The following NRF1 variants were observed in gnomAD, a reference collection of about 807,000 sequenced individuals.
NRF1 encodes the protein alpha palindromic-binding protein.
NRF1 carries 5 observed loss-of-function variants against 58.5 expected under a neutral mutation model. The observed-to-expected ratio is 0.09, with a 90% confidence interval of 0.04 to 0.18. The LOEUF (loss-of-function observed/expected upper bound fraction) is 0.18. Ranked by LOEUF, NRF1 falls within the 10% of genes least tolerant of loss-of-function variation. NRF1 has a pLI of 1.00. For missense variants in NRF1, 288 were observed against 657.7 expected, an observed-to-expected ratio of 0.44 and a Z score of 6.15; for synonymous variants, 224 against 246.7, an observed-to-expected ratio of 0.91 and a Z score of 0.86.
intron 3 of NRF1, 40 bp downstream of exon 3, chr7:129,671,583 T>C: frequency 9.2e-7 from 1 of 1,086,666 alleles, no homozygotes; most frequent in South Asian, 1.3e-5. Flanking sequence ...ATTCCTCAAA[T>C]ACTTCCTGTG....
At chr7:129,739,706 T>C (rs940450582) in intron 10 of NRF1, among the ~76,000 whole-genome samples, 2 of 152,080 alleles carry the variant, frequency 1.3e-5, no homozygotes, top group Admixed American at 6.6e-5. Flanking sequence ...CACTTCCTAG[T>C]GAGTTTATTC....
chr7:129,698,965 C>G (rs901511244), intron 5 of NRF1, among the ~76,000 whole-genome samples: 1 of 152,104 alleles, frequency 6.6e-6, no homozygotes, highest in Admixed American at 6.6e-5. Flanking sequence ...GACATCCAGG[C>G]AAAGATATAA....
At chr7:129,679,855 C>A (rs1027318227) in intron 4 of NRF1, among the ~76,000 whole-genome samples, 4 of 151,994 alleles carry the variant, frequency 2.6e-5, no homozygotes, top group Non-Finnish European at 5.9e-5. Flanking sequence ...GTCAGGAGTT[C>A]AAGACCAGCC....
intron 1 of NRF1, among the ~76,000 whole-genome samples, chr7:129,614,530 T>C (rs1800621339): frequency 6.6e-6 from 1 of 151,592 alleles, no homozygotes; most frequent in African/African-American, 2.4e-5. Context: ...TTGCCTAAGC[T>C]GGCCTTGAAC....
intron 1 of NRF1, among the ~76,000 whole-genome samples, chr7:129,650,293 C>T (rs1254975845): frequency 2.0e-5 from 3 of 151,650 alleles, no homozygotes; most frequent in Non-Finnish European, 4.4e-5. Context: ...ATTGCCGGCG[C>T]TTTCGTCTTA....
intron 9 of NRF1, among the ~76,000 whole-genome samples, chr7:129,724,272 A>C (rs2116240866): frequency 6.6e-6 from 1 of 152,376 alleles, no homozygotes; most frequent in African/African-American, 2.4e-5. Context: ...GAAGATATGC[A>C]GATGGCCAAT....
chr7:129,722,508 G>A lies in NRF1; in HGVS notation c.1224-4733G>A, dbSNP rs751898393. On this transcript the variant is annotated intron_variant, in intron 9 of 10. Coordinates refer to ENST00000393232, the MANE Select transcript of NRF1 (RefSeq NM_005011.5). ...AGCCCTGCTTACCATAGGCATCATC[G>A]TTGTCTTCATGCCCCACGTAAAGAC... 3.3e-5 allele frequency among the ~76,000 whole-genome samples: 5 copies of A among 152,050 alleles called. 1 individual carries two copies. In the South Asian group the frequency reaches 8.3e-4, roughly 25 times the overall value.
intron 4 of NRF1, among the ~76,000 whole-genome samples, chr7:129,681,790 T>C (rs1245915663): frequency 6.6e-6 from 1 of 151,540 alleles, no homozygotes; most frequent in African/African-American, 2.4e-5. Context: ...CAAGTAACTT[T>C]AAAGCAAAAC....
At chr7:129,694,081 C>T (rs952671553) in intron 5 of NRF1, among the ~76,000 whole-genome samples, 2 of 152,188 alleles carry the variant, frequency 1.3e-5, no homozygotes, top group Non-Finnish European at 2.9e-5. Flanking sequence ...TCTCAGTTGT[C>T]AAACTCATAG....
intron 10 of NRF1, among the ~76,000 whole-genome samples, chr7:129,742,594 TAAAGG>T (rs1439754365): frequency 6.6e-6 from 1 of 152,176 alleles, no homozygotes; most frequent in African/African-American, 2.4e-5. Flanking sequence ...GGTATGGCAG[TAAAGG>T]AAAGAACCTG....
chr7:129,709,657 C>T (rs1803025710), intron 6 of NRF1, among the ~76,000 whole-genome samples: 1 of 151,708 alleles, frequency 6.6e-6, no homozygotes, highest in Non-Finnish European at 1.5e-5. Flanking sequence ...AAAACTTTTA[C>T]AAGAAAGACT....
At chr7:129,695,526 A>G (rs985691687) in intron 5 of NRF1, among the ~76,000 whole-genome samples, 1 of 151,440 alleles carries the variant, frequency 6.6e-6, no homozygotes, top group Non-Finnish European at 1.5e-5. Flanking sequence ...CATTGAGCCG[A>G]GATCATGCCA....
In NRF1 at chr7:129,755,284, A is replaced by G; in HGVS notation, c.*103A>G. The G allele has an allele frequency of 1.8e-6, 2 of 1,091,136 alleles. No individual in the cohort carries two copies. Among genetic ancestry groups the G allele is most frequent in the Non-Finnish European group, 2.4e-6 (2 of 826,906 alleles). The allele number at this position is 1,091,136 out of a possible 1,614,324, so 67.6% of individuals were successfully genotyped here. A position where few individuals can be genotyped will look rare whatever the true frequency, so the allele number is the denominator to read the frequency against. On this transcript the variant is annotated 3_prime_UTR_variant, in exon 11 of 11. Coordinates refer to ENST00000393232, the MANE Select transcript of NRF1 (RefSeq NM_005011.5). The surrounding 1 kb of genome is among the most constrained non-coding windows in gnomAD (Gnocchi z 5.8). ...AATTAAGTCTCTCGACTTTGGAAGG[A>G]AAGTTTTGTTAACCTTTTTTTTTTT...
At chr7:129,745,582 C>G (rs1198999412) in intron 10 of NRF1, among the ~76,000 whole-genome samples, 1 of 147,836 alleles carries the variant, frequency 6.8e-6, no homozygotes, top group Non-Finnish European at 1.5e-5. Context: ...GACCGCTGCT[C>G]CAGAGCACGT....
At chr7:129,659,073 CTTTTTTT>C (rs780109640) in intron 2 of NRF1, among the ~76,000 whole-genome samples, 5 of 88,184 alleles carry the variant, frequency 5.7e-5, no homozygotes, top group African/African-American at 9.9e-5. Context: ...CACCACAGGA[CTTTTTTT>C]TTTTTTTTTT....
chr7:129,748,211 G>T (rs1381640182), intron 10 of NRF1, among the ~76,000 whole-genome samples: 2 of 144,598 alleles, frequency 1.4e-5, no homozygotes, highest in Non-Finnish European at 1.5e-5. Context: ...GGAGGCAGAG[G>T]CTGCAGTGAG....
At chr7:129,659,828 C>T (rs1369901107) in intron 2 of NRF1, among the ~76,000 whole-genome samples, 1 of 152,180 alleles carries the variant, frequency 6.6e-6, no homozygotes, top group Non-Finnish European at 1.5e-5. Context: ...TTGTATGTCT[C>T]TTAACCATCT....
intron 10 of NRF1, among the ~76,000 whole-genome samples, chr7:129,745,434 C>T (rs1466796051): frequency 6.6e-6 from 1 of 152,018 alleles, no homozygotes; most frequent in Non-Finnish European, 1.5e-5. Context: ...ATCAGATTCT[C>T]ATAGGAGCAC....
chr7:129,657,357 G>A lies in NRF1; in HGVS notation c.6G>A (p.Glu2=). 6.2e-7 allele frequency: 1 copy of A among 1,613,418 alleles called. No individual in the cohort carries two copies. Among genetic ancestry groups the A allele is most frequent in the East Asian group, 2.2e-5 (1 of 44,870 alleles). M[E]EHGVTQTEHM... is the part of the protein sequence containing the mutation. ...TTGTCTGACAGTAGAACTTCATGGAGGAACACGGAGTGACCCAAACCGAAC... is the reference window on the plus strand; with the variant it reads ...TTGTCTGACAGTAGAACTTCATGGAAGAACACGGAGTGACCCAAACCGAAC... The change falls in exon 2 of 11, where the codon GAG becomes GAA. Residue 2 remains glutamate, a synonymous_variant. Coordinates refer to ENST00000393232, the MANE Select transcript of NRF1 (RefSeq NM_005011.5).
Sources: allele counts gnomAD v4.1 joint callset (sites outside exome capture counted in the v4.1 genomes callset), GRCh38; gene constraint gnomAD v4.1.1; non-coding constraint Gnocchi (gnomAD v3.1); transcripts MANE v1.5; gene names NCBI Gene and HGNC (gene_info 2026-07-23, HGNC 2026-07-21).